The following DSCAML1 variants were observed in gnomAD, a reference collection of about 807,000 sequenced individuals.
The protein encoded by DSCAML1 is cell adhesion molecule DSCAML1.
In DSCAML1, 38 loss-of-function variants were observed where a neutral mutation model predicts 200.5. The ratio of observed to expected loss-of-function variants is 0.19; its 90% CI spans 0.15 to 0.25. The LOEUF is 0.25. Among genes scored for constraint, DSCAML1 ranks in the 10% least tolerant of loss-of-function variants. The pLI is 1.00. For synonymous variants in DSCAML1, 1,215 were observed against 1,165.0 expected (o/e 1.04, Z -0.87); for missense variants, 2,223 against 2,858.8 (o/e 0.78, Z 5.07).
chr11:117,462,477 C>T (rs765022915), intron 17 of DSCAML1, among the ~76,000 whole-genome samples: 3 of 152,186 alleles, frequency 2.0e-5, no homozygotes, highest in South Asian at 2.1e-4. Context: ...AAGCGCAAGA[C>T]GGAGTCTGCT....
At chr11:117,682,699 AC>A (rs1413229948) in intron 3 of DSCAML1, among the ~76,000 whole-genome samples, 1 of 150,774 alleles carries the variant, frequency 6.6e-6, no homozygotes, top group East Asian at 1.9e-4. Flanking sequence ...GGTGAAACTT[AC>A]CCCTCGCTCC....
chr11:117,780,576 C>T lies in DSCAML1; in HGVS notation c.281G>A (p.Ser94Asn). The T allele has an allele frequency of 6.4e-7, 1 of 1,573,030 alleles. No individual in the cohort carries two copies. The highest frequency in any genetic ancestry group is 8.6e-7 in the Non-Finnish European group (1 of 1,157,884). ...LYPFSPSAFN[S>N]FIHDNDYFCT... ...GAAGTAGTCATTGTCGTGGATAAAG[C>T]TATTGAAGGCGGAGGGGGAGAAGGG... The change falls in exon 2 of 33, where the codon AGC becomes AAC. Residue 94 changes from serine to asparagine, a missense_variant. Physicochemically the swap from Ser to Asn is conservative, Grantham distance 46. Transcript: ENST00000651296. The surrounding 1 kb of genome is among the most constrained non-coding windows in gnomAD (Gnocchi z 4.8).
intron 3 of DSCAML1, among the ~76,000 whole-genome samples, chr11:117,554,130 G>A (rs571186868): frequency 1.4e-4 from 22 of 152,288 alleles, no homozygotes; most frequent in African/African-American, 4.8e-4. Context: ...AAAGAAGAAT[G>A]GTGGTTTCCA....
rs577174389 is a variant in DSCAML1, at chr11:117,603,566, A to T, written c.512-71044T>A. Among the ~76,000 whole-genome samples the T allele has an allele frequency of 8.5e-5, 13 of 152,364 alleles. 3 individuals are homozygous for T. Among genetic ancestry groups the T allele is most frequent in the African/African-American group, 3.1e-4 (13 of 41,580 alleles). ...ATAGGGCACTTGCCTGACACACAGC[A>T]AACACTCAGTGAATAAATATTTGAT... On this transcript the variant is annotated intron_variant, in intron 3 of 32. Transcript: ENST00000651296.
At chr11:117,478,239 T>C (rs1027025791) in intron 14 of DSCAML1, among the ~76,000 whole-genome samples, 1 of 151,320 alleles carries the variant, frequency 6.6e-6, no homozygotes, top group Non-Finnish European at 1.5e-5. Context: ...CAGGGCAGCA[T>C]GGGGGAGGAG....
At chr11:117,632,945 T>A (rs965553220) in intron 3 of DSCAML1, among the ~76,000 whole-genome samples, 2 of 152,130 alleles carry the variant, frequency 1.3e-5, no homozygotes, top group Non-Finnish European at 2.9e-5. Context: ...TTTACACAAA[T>A]AGTGAGTAGT....
chr11:117,469,836 G>T lies in DSCAML1; in HGVS notation c.3024+74C>A. On this transcript the variant is annotated intron_variant, in intron 16 of 32. Transcript: ENST00000651296. This position sits in a 1 kb window ranked among gnomAD's most constrained non-coding sequence, Gnocchi z 4.1. Reference sequence around the variant, plus strand: ...AAGACTAGAGACTAGCAAGCCTGCTGGGAGCTTTCGTCCTGGATTGAGGAG... The same window carrying T: ...AAGACTAGAGACTAGCAAGCCTGCTTGGAGCTTTCGTCCTGGATTGAGGAG... 2 of 1,375,994 alleles carry T rather than the reference G, an allele frequency of 1.5e-6. No individual in the cohort carries two copies. The highest frequency in any genetic ancestry group is 1.6e-5 in the South Asian group (1 of 61,828). The allele number at this position is 1,375,994 out of a possible 1,614,324, so 85.2% of individuals were successfully genotyped here. A position where few individuals can be genotyped will look rare whatever the true frequency, so the allele number is the denominator to read the frequency against.
At chr11:117,653,093 A>G (rs978408467) in intron 3 of DSCAML1, among the ~76,000 whole-genome samples, 2 of 152,082 alleles carry the variant, frequency 1.3e-5, no homozygotes, top group Admixed American at 6.5e-5. Flanking sequence ...CCCCTCCCCA[A>G]CTTAGGACAA....
chr11:117,792,797 GA>G (rs2055495825), intron 1 of DSCAML1, among the ~76,000 whole-genome samples: 1 of 152,162 alleles, frequency 6.6e-6, no homozygotes, highest in East Asian at 1.9e-4. Context: ...CCTGCACCAT[GA>G]GAGGAGCAAC....
chr11:117,450,556 C>A lies in DSCAML1; in HGVS notation c.3701G>T (p.Gly1234Val). Residue 1234 changes from glycine to valine, a missense_variant, in exon 20 of 33, where the codon GGC becomes GTC. Gly to Val is a moderately radical substitution (Grantham distance 109). Coordinates refer to ENST00000651296, the MANE Select transcript of DSCAML1 (RefSeq NM_020693.4). ...YTIFCSSPGS[G>V]QPAPSEYETS... ...GGCCCTGAACTCACTTACCGGCTGG[C>A]CAGACCCGGGGCTGGAACAGAAGAT... 6.2e-7 allele frequency: 1 copy of A among 1,613,288 alleles called. No homozygotes were observed. Among genetic ancestry groups the A allele is most frequent in the Non-Finnish European group, 8.5e-7 (1 of 1,179,868 alleles).
intron 3 of DSCAML1, among the ~76,000 whole-genome samples, chr11:117,725,601 C>G (rs1487272532): frequency 6.6e-6 from 1 of 152,186 alleles, no homozygotes; most frequent in East Asian, 1.9e-4. Context: ...ACATATCATC[C>G]GTTCCGATCA....
At chr11:117,600,167 G>A (rs1200976406) in intron 3 of DSCAML1, among the ~76,000 whole-genome samples, 1 of 152,204 alleles carries the variant, frequency 6.6e-6, no homozygotes, top group Non-Finnish European at 1.5e-5. Context: ...CGTAGGTGTT[G>A]GCTCTCTCTA....
At chr11:117,715,145 G>A (rs936262794) in intron 3 of DSCAML1, among the ~76,000 whole-genome samples, 1 of 151,482 alleles carries the variant, frequency 6.6e-6, no homozygotes, top group African/African-American at 2.4e-5. Context: ...TATAACCCAC[G>A]GGCTTGGCTT....
intron 11 of DSCAML1, among the ~76,000 whole-genome samples, chr11:117,486,298 TGTG>T (rs2049055301): frequency 1.6e-5 from 2 of 123,494 alleles, no homozygotes; most frequent in Admixed American, 1.8e-4. Context: ...AAATGGCAGA[TGTG>T]AAAGTAGTGG....
At chr11:117,798,669 T>C (rs148548901), upstream of DSCAML1, among the ~76,000 whole-genome samples, 701 of 152,260 alleles carry the variant, frequency 4.6e-3, 2 homozygotes, top group Middle Eastern at 0.014. Context: ...CTCTATGAAG[T>C]TGCTTATTCT....
chr11:117,797,137 G>C lies in DSCAML1; in HGVS notation c.-58C>G. ...GTCCTGTGGCCGGCCGTGCGGCAGC[G>C]CCTCTCCCCCGCTCAGCGCGCTCCC... On this transcript the variant is annotated 5_prime_UTR_variant, in exon 1 of 33. Coordinates refer to ENST00000651296, the MANE Select transcript of DSCAML1 (RefSeq NM_020693.4). The C allele has an allele frequency of 6.3e-7, 1 of 1,590,444 alleles. No individual in the cohort carries two copies. Among genetic ancestry groups the C allele is most frequent in the Non-Finnish European group, 8.5e-7 (1 of 1,169,616 alleles).
At chr11:117,631,675 C>T (rs1254891564) in intron 3 of DSCAML1, among the ~76,000 whole-genome samples, 1 of 152,218 alleles carries the variant, frequency 6.6e-6, no homozygotes, top group Admixed American at 6.5e-5. Context: ...CATGTGCACA[C>T]ACATGTGATT....
chr11:117,437,113 G>A lies in DSCAML1; in HGVS notation c.4720+9C>T. On this transcript the variant is annotated intron_variant, in intron 26 of 32. Transcript: ENST00000651296. The surrounding 1 kb of genome is among the most constrained non-coding windows in gnomAD (Gnocchi z 5.3). ...CCTCTGTACCATCCCTTCCACCCTT[G>A]CGACTCACTGCCATCGTAGTCCAGG... 1 of 1,608,930 alleles carries A rather than the reference G, an allele frequency of 6.2e-7. No individual in the cohort carries two copies. The highest frequency in any genetic ancestry group is 1.1e-5 in the South Asian group (1 of 90,578).
rs1196538503 is a variant in DSCAML1, at chr11:117,797,015, C to T, written c.46+19G>A. The T allele has an allele frequency of 1.3e-5, 18 of 1,424,036 alleles. No individual in the cohort carries two copies. The highest frequency in any genetic ancestry group is 2.4e-5 in the Admixed American group (1 of 42,322). The allele number at this position is 1,424,036 out of a possible 1,614,324, so 88.2% of individuals were successfully genotyped here. A position where few individuals can be genotyped will look rare whatever the true frequency, so the allele number is the denominator to read the frequency against. ...TGGCCCCGCCGCCTCCGCCGCCCAG[C>T]CGCCCGCGCAGGTCTCACCTTTGTG... is the stretch of plus-strand genomic sequence containing the variant. On this transcript the variant is annotated intron_variant, in intron 1 of 32. Coordinates refer to ENST00000651296, the MANE Select transcript of DSCAML1 (RefSeq NM_020693.4).
Sources: gnomAD v4.1 joint callset for allele counts (sites outside exome capture counted in the v4.1 genomes callset) on GRCh38, gnomAD v4.1.1 for gene constraint, Gnocchi (gnomAD v3.1) non-coding constraint, MANE v1.5 for transcripts, NCBI Gene and HGNC (gene_info 2026-07-23, HGNC 2026-07-21) for gene names.